Variants in SDR16C5 observed in about 807,000 individuals in gnomAD.
The protein encoded by SDR16C5 is epidermal retinol dehydrogenase 2.
In SDR16C5, 20 loss-of-function variants were observed where a neutral mutation model predicts 27.7. That is an observed-to-expected ratio of 0.72 (90% CI 0.51 to 1.05). The LOEUF (loss-of-function observed/expected upper bound fraction) is 1.05. Among genes scored for constraint, SDR16C5 ranks in the 50% least tolerant of loss-of-function variants. The pLI is 0.00. For missense variants in SDR16C5, 374 were observed against 366.3 expected (o/e 1.02, Z -0.17); for synonymous variants, 139 against 132.3 (o/e 1.05, Z -0.35).
chr8:56,306,529 ACTAAGAAAGACAGAATT>A (rs1438297552), intron 5 of SDR16C5, 130 bp downstream of exon 5: 1 of 762,340 alleles, frequency 1.3e-6, no homozygotes, highest in Non-Finnish European at 2.0e-6. Flanking sequence ...ACAAACACAT[ACTAAGAAAGACAGAATT>A]CTAAAACCAT....
Position 56,308,902 on chromosome 8 carries a change from A to G in SDR16C5, c.565+26T>C, listed in dbSNP as rs199703103. Reference sequence around the variant, plus strand: ...AGTTAAAGTTATAGGGAATTTTGCAATTGTAAATTGCTATGTTTTTCTTAC... The same window carrying G: ...AGTTAAAGTTATAGGGAATTTTGCAGTTGTAAATTGCTATGTTTTTCTTAC... On this transcript the variant is annotated intron_variant, in intron 4 of 6. Coordinates refer to ENST00000303749, the MANE Select transcript of SDR16C5 (RefSeq NM_138969.4). 2.6e-4 allele frequency: 404 copies of G among 1,543,212 alleles called. 1 individual carries two copies. The highest frequency in any genetic ancestry group is 3.2e-4 in the Non-Finnish European group (359 of 1,122,566).
At chr8:56,317,047 C>A (rs570569869) in intron 1 of SDR16C5, among the ~76,000 whole-genome samples, 39 of 152,258 alleles carry the variant, frequency 2.6e-4, no homozygotes, top group South Asian at 1.0e-3. Flanking sequence ...AGGTCACAGG[C>A]GAGGCAGACC....
chr8:56,308,232 G>C (rs922812819), intron 4 of SDR16C5, among the ~76,000 whole-genome samples: 1 of 152,208 alleles, frequency 6.6e-6, no homozygotes, highest in African/African-American at 2.4e-5. Context: ...TCCGAATGTT[G>C]CTGCTACAGT....
At chr8:56,302,895 T>C (rs1814793188) in intron 6 of SDR16C5, among the ~76,000 whole-genome samples, 2 of 152,094 alleles carry the variant, frequency 1.3e-5, no homozygotes, top group Non-Finnish European at 2.9e-5. Flanking sequence ...GGTGGGAGGA[T>C]GGCTTGAGCC....
intron 6 of SDR16C5, among the ~76,000 whole-genome samples, chr8:56,303,314 T>TA (rs11339876): frequency 5.4e-4 from 73 of 136,190 alleles, no homozygotes; most frequent in Non-Finnish European, 6.3e-4. Context: ...ACTCCATCTT[T>TA]AAAAAAAAAA....
Position 56,312,237 on chromosome 8 carries a change from C to G in SDR16C5, c.385G>C (p.Val129Leu). The change falls in exon 3 of 7, where the codon GTA becomes CTA. Residue 129 changes from valine to leucine, a missense_variant. Coordinates refer to ENST00000303749, the MANE Select transcript of SDR16C5 (RefSeq NM_138969.4). The stretch of plus-strand genomic sequence containing the variant: ...CAGTCAAGGAACTTTTTGCCTGTTA[C>G]GATTCCGGCATTGTTGATTAGGATG... ...VSILINNAGIVTGKKFLDCPD... is the reference protein window; with the variant it reads ...VSILINNAGILTGKKFLDCPD... The G allele has an allele frequency of 6.2e-7, 1 of 1,613,314 alleles. No individual in the cohort carries two copies. The highest frequency in any genetic ancestry group is 8.5e-7 in the Non-Finnish European group (1 of 1,179,288).
chr8:56,311,002 T>C lies in SDR16C5; in HGVS notation c.465+1155A>G, dbSNP rs6983213. On this transcript the variant is annotated intron_variant, in intron 3 of 6. Transcript: ENST00000303749. ...GACAGAAAATCTACAAATTCCAAATTACATTTGAAGGCTGCTAAAGAAGAC... is the reference window on the plus strand; with the variant it reads ...GACAGAAAATCTACAAATTCCAAATCACATTTGAAGGCTGCTAAAGAAGAC... Among the ~76,000 whole-genome samples, 236 of 152,252 alleles carry C rather than the reference T, an allele frequency of 1.6e-3. 1 individual carries two copies. Among genetic ancestry groups the C allele is most frequent in the African/African-American group, 5.6e-3 (231 of 41,556 alleles).
intron 6 of SDR16C5, among the ~76,000 whole-genome samples, chr8:56,302,310 G>A (rs1487281520): frequency 6.6e-6 from 1 of 152,166 alleles, no homozygotes; most frequent in Non-Finnish European, 1.5e-5. Flanking sequence ...CCCTCCCACA[G>A]CTTCAAGTCT....
intron 2 of SDR16C5, 115 bp downstream of exon 2, chr8:56,315,900 C>A: frequency 1.4e-6 from 1 of 722,338 alleles, no homozygotes; most frequent in South Asian, 1.8e-5. Flanking sequence ...CCCATTCTCC[C>A]ATAATCTTGT....
rs116944947 is a variant in SDR16C5, at chr8:56,316,245, G to A, written c.103C>T (p.Arg35Trp). Reference protein sequence around the residue: ...AMIFALLPKPRKNVAGEIVLI... With the variant: ...AMIFALLPKPWKNVAGEIVLI... The stretch of plus-strand genomic sequence containing the variant: ...ACTATTTCACCAGCAACGTTCTTCC[G>A]TGGCTTTGGGAGTAAGGCAAAAATC... The change falls in exon 2 of 7, where the codon CGG (arginine) becomes TGG (tryptophan). Residue 35 changes from arginine (R) to tryptophan (W), a missense_variant. Physicochemically the swap from Arg to Trp is moderately radical, Grantham distance 101. Coordinates refer to ENST00000303749, the MANE Select transcript of SDR16C5 (RefSeq NM_138969.4). 26 of 1,613,940 alleles carry A rather than the reference G, an allele frequency of 1.6e-5. No individual in the cohort carries two copies. Among genetic ancestry groups the A allele is most frequent in the Non-Finnish European group, 1.9e-5 (23 of 1,179,816 alleles).
rs552686582 is a variant in SDR16C5 at position 56,317,948 on chromosome 8, C to T, written c.-14-1587G>A. Among the ~76,000 whole-genome samples, 3 of 152,146 alleles carry T rather than the reference C, an allele frequency of 2.0e-5. No individual in the cohort carries two copies. In the South Asian group the frequency reaches 6.2e-4, roughly 32 times the overall value. ...GAGCCAAGTAATCTAGTTGAAGAGA[C>T]GTATTCAACAAATAAACAGATCGTT... On this transcript the variant is annotated intron_variant, in intron 1 of 6. Coordinates refer to ENST00000303749, the MANE Select transcript of SDR16C5 (RefSeq NM_138969.4).
At chr8:56,310,801 T>C (rs1815027440) in intron 3 of SDR16C5, among the ~76,000 whole-genome samples, 1 of 151,846 alleles carries the variant, frequency 6.6e-6, no homozygotes, top group East Asian at 1.9e-4. Context: ...TCTGACTATA[T>C]ATGAGTATAA....
At chr8:56,305,559 T>G (rs749384830) in intron 6 of SDR16C5, 38 bp downstream of exon 6, 2 of 1,535,060 alleles carry the variant, frequency 1.3e-6, no homozygotes, top group East Asian at 2.4e-5. Context: ...AACTGTAGAC[T>G]GGCATGTTAG....
At chr8:56,317,757 G>A (rs558034375) in intron 1 of SDR16C5, among the ~76,000 whole-genome samples, 1 of 152,212 alleles carries the variant, frequency 6.6e-6, no homozygotes, top group Non-Finnish European at 1.5e-5. Context: ...TGAGACTGAG[G>A]ATCGAAGAGA....
intron 3 of SDR16C5, among the ~76,000 whole-genome samples, chr8:56,310,769 G>A (rs1019622721): frequency 1.3e-5 from 2 of 151,628 alleles, no homozygotes; most frequent in African/African-American, 2.4e-5. Context: ...AGACTTCCAG[G>A]GACCATGGTC....
chr8:56,317,570 GA>G (rs1231044440), intron 1 of SDR16C5, among the ~76,000 whole-genome samples: 3 of 152,218 alleles, frequency 2.0e-5, no homozygotes, highest in Non-Finnish European at 4.4e-5. Flanking sequence ...GAGGAGACAG[GA>G]GGGGAGTAAT....
chr8:56,303,969 G>T, intron 6 of SDR16C5: 2 of 702,930 alleles, frequency 2.8e-6, no homozygotes, highest in South Asian at 3.0e-5. Context: ...CAGAGTCACA[G>T]ACTTAGTGAA....
intron 2 of SDR16C5, among the ~76,000 whole-genome samples, chr8:56,312,838 A>C (rs1288524208): frequency 6.8e-6 from 1 of 146,580 alleles, no homozygotes; most frequent in East Asian, 2.1e-4. Flanking sequence ...GTGCAGTGGC[A>C]CGATCTTGGC....
intron 6 of SDR16C5, among the ~76,000 whole-genome samples, chr8:56,305,340 T>G (rs1276829613): frequency 6.6e-6 from 1 of 152,198 alleles, no homozygotes. Context: ...GTACATCCAC[T>G]TCTTTTTCAG....
Sources: gnomAD v4.1 joint callset for allele counts (sites outside exome capture counted in the v4.1 genomes callset) on GRCh38, gnomAD v4.1.1 for gene constraint, MANE v1.5 for transcripts, NCBI Gene and HGNC (gene_info 2026-07-23, HGNC 2026-07-21) for gene names.